The following FRY variants were observed in gnomAD, a reference collection of about 807,000 sequenced individuals.
The protein encoded by FRY is protein furry homolog.
FRY carries 128 observed loss-of-function variants against 348.4 expected under a neutral mutation model. The observed-to-expected ratio is 0.37, with a 90% CI of 0.32 to 0.43. FRY has a LOEUF of 0.43. Ranked by LOEUF, FRY falls within the 20% of genes least tolerant of loss-of-function variation. The probability of loss-of-function intolerance (pLI) is 1.00; values close to 1 mark genes in which losing one functional copy is unlikely to be tolerated. For missense variants in FRY, 2,736 were observed against 3,695.2 expected (o/e 0.74, Z 6.73); for synonymous variants, 1,370 against 1,374.7 (o/e 1.00, Z 0.08).
Position 32,098,650 on chromosome 13 carries a change from A to G in FRY, c.271-3313A>G, listed in dbSNP as rs139654786. Among the ~76,000 whole-genome samples the G allele has an allele frequency of 2.1e-3, 325 of 151,940 alleles. 3 individuals carry two copies. The highest frequency in any genetic ancestry group is 3.4e-3 in the Non-Finnish European group (233 of 67,982). Reference sequence around the variant, plus strand: ...TGAATAATGAACAAGTAGAGACAACACTCATAAGAGGAAATTAACCACATT... The same window carrying G: ...TGAATAATGAACAAGTAGAGACAACGCTCATAAGAGGAAATTAACCACATT... On this transcript the variant is annotated intron_variant, in intron 2 of 60. Transcript: ENST00000542859.
chr13:32,293,882 C>T (rs9567538), intron 59 of FRY, among the ~76,000 whole-genome samples: 1 of 152,166 alleles, frequency 6.6e-6, no homozygotes, highest in Non-Finnish European at 1.5e-5. Context: ...CTGGACTGTA[C>T]TAAGCATTTT....
intron 39 of FRY, among the ~76,000 whole-genome samples, chr13:32,228,190 A>T (rs1885700477): frequency 6.6e-6 from 1 of 152,212 alleles, no homozygotes; most frequent in African/African-American, 2.4e-5. Context: ...CCTTTTATAG[A>T]AAGTATCAAC....
Position 32,251,866 on chromosome 13 carries a change from T to C in FRY, c.7171-12T>C. ...AACCCATAATGAAACCTGCCTTGTG[T>C]TTCTTTTCCAGAAGAGAACAAAAGA... On this transcript the variant is annotated splice_polypyrimidine_tract_variant and intron_variant, in intron 49 of 60. Coordinates refer to ENST00000542859, the MANE Select transcript of FRY (RefSeq NM_023037.3). The C allele has an allele frequency of 6.2e-6, 10 of 1,603,942 alleles. No individual in the cohort carries two copies. Among genetic ancestry groups the C allele is most frequent in the Non-Finnish European group, 8.5e-6 (10 of 1,170,724 alleles).
intron 39 of FRY, 116 bp from the exon 40 acceptor site, chr13:32,228,340 T>G (rs1885711149): frequency 1.2e-6 from 1 of 838,066 alleles, no homozygotes; most frequent in South Asian, 1.3e-5. Flanking sequence ...AGCAACCATT[T>G]TCTCCCCAGA....
Position 32,294,580 on chromosome 13 carries a change from CT to C in FRY, c.8783+11del. The C allele has an allele frequency of 1.9e-6, 3 of 1,607,474 alleles. No homozygotes were observed. The highest frequency in any genetic ancestry group is 2.6e-6 in the Non-Finnish European group (3 of 1,173,962). The stretch of plus-strand genomic sequence containing the variant: ...AGATCAGGGAGTGCAGGTGACTCTG[CT>C]ATTTCTTTTAGAGGTGGTTGCAGGA... On this transcript the variant is annotated intron_variant, in intron 60 of 60. Transcript: ENST00000542859.
chr13:32,089,290 T>C (rs888648545), intron 2 of FRY, among the ~76,000 whole-genome samples: 2 of 152,224 alleles, frequency 1.3e-5, no homozygotes, highest in African/African-American at 4.8e-5. Flanking sequence ...TAAAATTTCT[T>C]AAAACACAAT....
chr13:32,064,729 A>G (rs390704), intron 1 of FRY, among the ~76,000 whole-genome samples: 72,786 of 152,098 alleles, frequency 0.48, 19,089 homozygotes, highest in Non-Finnish European at 0.58. Context: ...TGAATAGATT[A>G]AACTTTAAAA....
chr13:32,264,629 G>A (rs1887827436), intron 53 of FRY, among the ~76,000 whole-genome samples: 3 of 152,074 alleles, frequency 2.0e-5, no homozygotes. Flanking sequence ...CCCAAACCCA[G>A]CCTCTTTTTC....
chr13:32,247,255 A>G, intron 47 of FRY, 68 bp from the exon 48 acceptor site: 2 of 1,305,240 alleles, frequency 1.5e-6, no homozygotes, highest in Non-Finnish European at 2.2e-6. Flanking sequence ...CTCACTGGTC[A>G]TTCTGACATA....
At chr13:32,172,501 G>A (rs1020157189) in intron 18 of FRY, among the ~76,000 whole-genome samples, 1 of 152,204 alleles carries the variant, frequency 6.6e-6, no homozygotes, top group African/African-American at 2.4e-5. Context: ...TCATGTCTCA[G>A]TCCTAAATGG....
At chr13:32,121,955 A>G (rs796668583) in intron 4 of FRY, among the ~76,000 whole-genome samples, 1 of 152,258 alleles carries the variant, frequency 6.6e-6, no homozygotes, top group African/African-American at 2.4e-5. Flanking sequence ...TGATTTTTGT[A>G]TAAGGTGAGA....
intron 59 of FRY, among the ~76,000 whole-genome samples, chr13:32,293,276 T>G (rs979377599): frequency 6.6e-6 from 1 of 152,218 alleles, no homozygotes; most frequent in Non-Finnish European, 1.5e-5. Flanking sequence ...AGGAGAAATT[T>G]GCTTTCAAAT....
Position 32,237,299 on chromosome 13 carries a change from G to A in FRY, c.5811-80G>A. Reference sequence around the variant, plus strand: ...TAAAGAATGATTTCCCTCCTGCAGTGTTTCTCAGTGGACTTGAAAGGACTG... The same window carrying A: ...TAAAGAATGATTTCCCTCCTGCAGTATTTCTCAGTGGACTTGAAAGGACTG... On this transcript the variant is annotated intron_variant, in intron 43 of 60. Coordinates refer to ENST00000542859, the MANE Select transcript of FRY (RefSeq NM_023037.3). The surrounding 1 kb of genome is among the most constrained non-coding windows in gnomAD (Gnocchi z 6.3). 1 of 1,358,882 alleles carries A rather than the reference G, an allele frequency of 7.4e-7. No homozygotes were observed. Among genetic ancestry groups the A allele is most frequent in the Non-Finnish European group, 1.0e-6 (1 of 957,204 alleles). 84.2% of individuals were successfully genotyped at this position (1,358,882 alleles called of 1,614,324 possible). A position where few individuals can be genotyped will look rare whatever the true frequency, so the allele number is the denominator to read the frequency against.
intron 55 of FRY, among the ~76,000 whole-genome samples, chr13:32,270,628 C>G (rs1348767155): frequency 6.6e-6 from 1 of 152,216 alleles, no homozygotes. Flanking sequence ...AATACTTTCT[C>G]TCTGCCTAGA....
rs767724069 is a variant in FRY at position 32,171,001 on chromosome 13, T to G, written c.1893-11T>G. ...AGTAAATGATTTTATTTTCCTTTAT[T>G]CGTTTCACAGGCTCTCTATTCATAT... On this transcript the variant is annotated splice_polypyrimidine_tract_variant and intron_variant, in intron 17 of 60. Coordinates refer to ENST00000542859, the MANE Select transcript of FRY (RefSeq NM_023037.3). 2.5e-6 allele frequency: 4 copies of G among 1,589,220 alleles called. No individual in the cohort carries two copies. The highest frequency in any genetic ancestry group is 3.5e-6 in the Non-Finnish European group (4 of 1,157,342).
intron 2 of FRY, among the ~76,000 whole-genome samples, chr13:32,089,887 C>T (rs1311819932): frequency 6.6e-6 from 1 of 152,054 alleles, no homozygotes; most frequent in African/African-American, 2.4e-5. Context: ...TGAAAAATGG[C>T]CACCAGATTT....
intron 3 of FRY, among the ~76,000 whole-genome samples, chr13:32,113,601 T>A (rs1593627524): frequency 6.6e-6 from 1 of 152,226 alleles, no homozygotes; most frequent in Non-Finnish European, 1.5e-5. Context: ...CCTAGCTCAC[T>A]AGCTCATCTG....
intron 1 of FRY, among the ~76,000 whole-genome samples, chr13:32,066,725 A>G (rs1874280947): frequency 6.6e-6 from 1 of 152,088 alleles, no homozygotes; most frequent in African/African-American, 2.4e-5. Flanking sequence ...CTCCCAATTT[A>G]CACAGCAACA....
chr13:32,118,744 G>A (rs1190845130), intron 4 of FRY, among the ~76,000 whole-genome samples: 1 of 152,062 alleles, frequency 6.6e-6, no homozygotes, highest in Non-Finnish European at 1.5e-5. Flanking sequence ...GTACCCATTA[G>A]CAGCCTCTCC....
Sources: allele counts gnomAD v4.1 joint callset (sites outside exome capture counted in the v4.1 genomes callset), GRCh38; gene constraint gnomAD v4.1.1; non-coding constraint Gnocchi (gnomAD v3.1); transcripts MANE v1.5; gene names NCBI Gene and HGNC (gene_info 2026-07-23, HGNC 2026-07-21).